The following ADAMTS16 variants were observed in gnomAD, a reference collection of about 807,000 sequenced individuals.
The protein encoded by ADAMTS16 is ADAM metallopeptidase with thrombospondin type 1 motif 16.
ADAMTS16 carries 94 observed loss-of-function variants against 145.8 expected under a neutral mutation model. The observed-to-expected ratio is 0.64, with a 90% CI of 0.55 to 0.77. ADAMTS16 has a LOEUF of 0.77. ADAMTS16 is among the 30% of genes least tolerant of loss of function. ADAMTS16 has a pLI of 0.00. For synonymous variants in ADAMTS16, 659 were observed against 604.3 expected, an observed-to-expected ratio of 1.09 and a Z score of -1.33; for missense variants, 1,585 against 1,591.5, an observed-to-expected ratio of 1.00 and a Z score of 0.07.
At chr5:5,257,483 C>A (rs1737826965) in intron 17 of ADAMTS16, among the ~76,000 whole-genome samples, 1 of 152,064 alleles carries the variant, frequency 6.6e-6, no homozygotes, top group Non-Finnish European at 1.5e-5. Context: ...GGGATGCAAA[C>A]TGGGATGTAA....
chr5:5,149,258 C>T (rs1307763139), intron 3 of ADAMTS16, among the ~76,000 whole-genome samples: 1 of 152,056 alleles, frequency 6.6e-6, no homozygotes, highest in Non-Finnish European at 1.5e-5. Context: ...AAAAGGGTCC[C>T]TGTTATATTT....
At position 5,256,091 on chromosome 5, in the gene ADAMTS16, C is replaced by T. The variant is rs534585021; in HGVS notation, c.2663-6566C>T. On this transcript the variant is annotated intron_variant, in intron 17 of 22. Transcript: ENST00000274181. Reference sequence around the variant, plus strand: ...AATTGCTAAAACTTTCAAAGGAACACTTTACATTCCTCTTTTATTTCCTAA... The same window carrying T: ...AATTGCTAAAACTTTCAAAGGAACATTTTACATTCCTCTTTTATTTCCTAA... Among the ~76,000 whole-genome samples, 74 of 152,340 alleles carry T rather than the reference C, an allele frequency of 4.9e-4. 1 individual carries two copies. Among genetic ancestry groups the T allele is most frequent in the African/African-American group, 1.7e-3 (70 of 41,582 alleles).
Position 5,187,716 on chromosome 5 carries a change from C to CT in ADAMTS16, c.964-4dup. On this transcript the variant is annotated splice_polypyrimidine_tract_variant and intron_variant, in intron 5 of 22. Coordinates refer to ENST00000274181, the MANE Select transcript of ADAMTS16 (RefSeq NM_139056.4). ...TATGGGGCTGACATGGATTTCCTGT[C>CT]TTTTTCAGGTATCTGCTTTATTCAA... The CT allele has an allele frequency of 6.2e-7, 1 of 1,602,730 alleles. No homozygotes were observed. Among genetic ancestry groups the CT allele is most frequent in the South Asian group, 1.1e-5 (1 of 90,480 alleles).
Position 5,317,284 on chromosome 5 carries a change from A to G in ADAMTS16, c.3412-850A>G, listed in dbSNP as rs1734091238. Among the ~76,000 whole-genome samples the G allele has an allele frequency of 6.6e-6, 1 of 152,202 alleles. No homozygotes were observed. Among genetic ancestry groups the G allele is most frequent in the Admixed American group, 6.5e-5 (1 of 15,280 alleles). ...AGAAGGATAACTTGTAGGTAACTTT[A>G]TTGGCAGGGGGATCTAAGTTTGTTC... is the stretch of plus-strand genomic sequence containing the variant. On this transcript the variant is annotated intron_variant, in intron 21 of 22. Coordinates refer to ENST00000274181, the MANE Select transcript of ADAMTS16 (RefSeq NM_139056.4). This position sits in a 1 kb window ranked among gnomAD's most constrained non-coding sequence, Gnocchi z 4.5.
In ADAMTS16 at chr5:5,274,166, C is replaced by T. The variant is rs541421008; in HGVS notation, c.2789+11383C>T. On this transcript the variant is annotated intron_variant, in intron 18 of 22. Transcript: ENST00000274181. The stretch of plus-strand genomic sequence containing the variant: ...CCCCACCATCAACATTCCCCACCGG[C>T]GTGCTCCATTTGTAAAAATTTGTGA... Among the ~76,000 whole-genome samples the T allele has an allele frequency of 8.5e-5, 13 of 152,294 alleles. 1 individual carries two copies. The South Asian group carries it at 2.7e-3, about 32-fold the overall frequency.
rs554120130 is a variant in ADAMTS16 at position 5,230,997 on chromosome 5, G to A, written c.1702-1371G>A. Among the ~76,000 whole-genome samples the A allele has an allele frequency of 3.3e-5, 5 of 152,218 alleles. No individual in the cohort carries two copies. The South Asian group carries it at 1.0e-3, about 32-fold the overall frequency. ...TGCATTAGAAAGCTATGACCAGATG[G>A]TTTTTAAAAAGGGGGGAAAAGAAAA... On this transcript the variant is annotated intron_variant, in intron 11 of 22. Transcript: ENST00000274181.
intron 22 of ADAMTS16, 125 bp downstream of exon 22, chr5:5,318,406 C>T (rs902275363): frequency 2.0e-6 from 2 of 1,017,096 alleles, no homozygotes; most frequent in Non-Finnish European, 2.6e-6. Flanking sequence ...CTCTTTGCAT[C>T]TTCTCCAGTT....
At position 5,235,041 on chromosome 5, in the gene ADAMTS16, G is replaced by A; in HGVS notation, c.1878G>A (p.Glu626=). The change falls in exon 13 of 23, where the codon GAG becomes GAA. Residue 626 remains glutamate (E), a synonymous_variant. Coordinates refer to ENST00000274181, the MANE Select transcript of ADAMTS16 (RefSeq NM_139056.4). The part of the protein sequence containing the change: ...PKPSHGGKFC[E]GSTRTLKLCN... ...CATCGCATGGAGGGAAGTTCTGTGA[G>A]GGCTCCACTCGCACTCTGAAGCTCT... 1 of 1,590,148 alleles carries A rather than the reference G, an allele frequency of 6.3e-7. No homozygotes were observed.
intron 3 of ADAMTS16, among the ~76,000 whole-genome samples, chr5:5,150,594 A>T (rs1481985205): frequency 6.6e-6 from 1 of 152,216 alleles, no homozygotes; most frequent in Non-Finnish European, 1.5e-5. Flanking sequence ...CAAGTTCTAC[A>T]CTTCAGTCAT....
chr5:5,153,154 T>A (rs1734517775), intron 3 of ADAMTS16, among the ~76,000 whole-genome samples: 1 of 152,252 alleles, frequency 6.6e-6, no homozygotes, highest in African/African-American at 2.4e-5. Flanking sequence ...TAAGGGGTAA[T>A]GACTTTCTCA....
intron 3 of ADAMTS16, among the ~76,000 whole-genome samples, chr5:5,153,092 G>A (rs919400311): frequency 6.6e-6 from 1 of 152,152 alleles, no homozygotes; most frequent in Non-Finnish European, 1.5e-5. Context: ...TGCCTTACAG[G>A]GACCTGTGAG....
chr5:5,292,477 GAC>G (rs1318394469), intron 18 of ADAMTS16, among the ~76,000 whole-genome samples: 1 of 150,768 alleles, frequency 6.6e-6, no homozygotes, highest in African/African-American at 2.4e-5. Context: ...CAGCCTGTGT[GAC>G]AGAGTGGGAC....
At chr5:5,315,437 TG>T (rs1168879457) in intron 21 of ADAMTS16, among the ~76,000 whole-genome samples, 1 of 132,608 alleles carries the variant, frequency 7.5e-6, no homozygotes, top group Non-Finnish European at 1.6e-5. Flanking sequence ...ATTTTGGAAC[TG>T]TTTAAATGAT....
Position 5,317,701 on chromosome 5 carries a change from T to C in ADAMTS16, c.3412-433T>C, listed in dbSNP as rs146340869. 0.018 allele frequency among the ~76,000 whole-genome samples: 2,723 copies of C among 152,156 alleles called. 78 individuals carry two copies. Among genetic ancestry groups the C allele is most frequent in the African/African-American group, 0.062 (2,579 of 41,520 alleles). Reference sequence around the variant, plus strand: ...GCATGAGCCACCGTGCCCGGCAGTATATTTACTTTTTTAAAAAGTGAACTC... The same window carrying C: ...GCATGAGCCACCGTGCCCGGCAGTACATTTACTTTTTTAAAAAGTGAACTC... On this transcript the variant is annotated intron_variant, in intron 21 of 22. Transcript: ENST00000274181. This position sits in a 1 kb window ranked among gnomAD's most constrained non-coding sequence, Gnocchi z 4.5.
intron 7 of ADAMTS16, 62 bp downstream of exon 7, chr5:5,190,192 A>G: frequency 3.4e-6 from 5 of 1,477,384 alleles, no homozygotes; most frequent in South Asian, 1.5e-5. Context: ...GCCGTGACAC[A>G]GTGTTGAGTA....
chr5:5,234,149 C>T (rs528173632), intron 12 of ADAMTS16, among the ~76,000 whole-genome samples: 8 of 152,362 alleles, frequency 5.3e-5, no homozygotes, highest in Admixed American at 2.0e-4. Context: ...CCCTACGCCA[C>T]GCTGTACCCC....
chr5:5,308,612 C>G (rs1362006350), intron 21 of ADAMTS16, among the ~76,000 whole-genome samples: 1 of 152,198 alleles, frequency 6.6e-6, no homozygotes, highest in Non-Finnish European at 1.5e-5. Context: ...TGCCTGGACA[C>G]GCTTCCCATC....
intron 18 of ADAMTS16, among the ~76,000 whole-genome samples, chr5:5,302,261 C>T (rs1739811791): frequency 6.6e-6 from 1 of 152,220 alleles, no homozygotes; most frequent in Admixed American, 6.5e-5. Context: ...CATCACTTGA[C>T]AACATGCACG....
At chr5:5,233,631 G>A (rs1375870415) in intron 12 of ADAMTS16, among the ~76,000 whole-genome samples, 1 of 152,132 alleles carries the variant, frequency 6.6e-6, no homozygotes, top group Non-Finnish European at 1.5e-5. Flanking sequence ...TAAGGATAAA[G>A]GTCTCCAGGC....
Sources: allele counts gnomAD v4.1 joint callset (sites outside exome capture counted in the v4.1 genomes callset), GRCh38; gene constraint gnomAD v4.1.1; non-coding constraint Gnocchi (gnomAD v3.1); transcripts MANE v1.5; gene names NCBI Gene and HGNC (gene_info 2026-07-23, HGNC 2026-07-21).